The following S100Z variants were observed in gnomAD, a reference collection of about 807,000 sequenced individuals.
The protein encoded by S100Z is S100 calcium binding protein Z, also known as protein S100-Z.
S100Z carries 11 observed loss-of-function variants against 8.5 expected under a neutral mutation model. The observed-to-expected ratio is 1.30, with a 90% CI of 0.82 to 2.15. The LOEUF (loss-of-function observed/expected upper bound fraction) is 2.15. S100Z is among the 30% of genes most tolerant of loss of function. The pLI, the probability that S100Z is intolerant of heterozygous loss-of-function variation, is 0.00. For synonymous variants in S100Z, 34 were observed against 43.8 expected (o/e 0.78, Z 0.89); for missense variants, 126 against 117.9 (o/e 1.07, Z -0.32).
chr5:76,899,835 T>C (rs1561244038), intron 4 of S100Z, among the ~76,000 whole-genome samples: 2 of 152,210 alleles, frequency 1.3e-5, no homozygotes, highest in African/African-American at 4.8e-5. Context: ...CTATTATCAG[T>C]GAGTTTTGTA....
At chr5:76,861,447 C>T (rs1466000684) in intron 1 of S100Z, among the ~76,000 whole-genome samples, 3 of 152,042 alleles carry the variant, frequency 2.0e-5, no homozygotes, top group African/African-American at 7.2e-5. Flanking sequence ...CAAGTGATTC[C>T]CCTGCCTCAG....
intron 1 of S100Z, among the ~76,000 whole-genome samples, chr5:76,860,483 G>A (rs1399624783): frequency 6.6e-6 from 1 of 152,130 alleles, no homozygotes; most frequent in Non-Finnish European, 1.5e-5. Context: ...AAGAGGGGCT[G>A]ATGGGAGGCT....
intron 1 of S100Z, among the ~76,000 whole-genome samples, chr5:76,864,590 G>T (rs1751200374): frequency 6.6e-6 from 1 of 151,722 alleles, no homozygotes; most frequent in African/African-American, 2.4e-5. Flanking sequence ...TTTTAGTAGA[G>T]ACAGGGTTTT....
At chr5:76,929,660 C>T in the S100Z span, among the ~76,000 whole-genome samples, 1 of 152,066 alleles carries the variant, frequency 6.6e-6, no homozygotes, top group African/African-American at 2.4e-5. Flanking sequence ...GTGTCAGAAA[C>T]CAAGCAGAGG....
At chr5:76,916,006 C>T (rs533503845) in intron 4 of S100Z, among the ~76,000 whole-genome samples, 7 of 151,930 alleles carry the variant, frequency 4.6e-5, no homozygotes, top group Non-Finnish European at 1.0e-4. Context: ...ACTAAAAATA[C>T]AAAAATTAGC....
chr5:76,934,926 C>G, the S100Z span, among the ~76,000 whole-genome samples: 1 of 152,160 alleles, frequency 6.6e-6, no homozygotes. Flanking sequence ...GGATTTCCAA[C>G]GCATCCACCC....
chr5:76,860,208 C>G (rs887192139), intron 1 of S100Z, among the ~76,000 whole-genome samples: 2 of 151,976 alleles, frequency 1.3e-5, no homozygotes, highest in Admixed American at 1.3e-4. Flanking sequence ...ATGAGAAGAC[C>G]GCTCCCATTG....
chr5:76,895,765 C>CTTTTTTTTTTTTTTTTTTTTT (rs57723242), intron 4 of S100Z, among the ~76,000 whole-genome samples: 4 of 88,372 alleles, frequency 4.5e-5, no homozygotes, highest in Admixed American at 1.5e-4. Context: ...TCTTTTCTTC[C>CTTTTTTTTTTTTTTTTTTTTT]TTTTTTTTTT....
At chr5:76,871,968 G>C (rs1289033904) in intron 2 of S100Z, among the ~76,000 whole-genome samples, 1 of 152,202 alleles carries the variant, frequency 6.6e-6, no homozygotes, top group Non-Finnish European at 1.5e-5. Context: ...CAGGTACAGT[G>C]GCTCATGCCC....
chr5:76,850,861 C>T (rs1750709098), intron 1 of S100Z, among the ~76,000 whole-genome samples: 1 of 152,100 alleles, frequency 6.6e-6, no homozygotes, highest in African/African-American at 2.4e-5. Context: ...CTCTGTCACC[C>T]AGGCTGGAGT....
At chr5:76,891,138 C>T (rs1346968009) in intron 4 of S100Z, among the ~76,000 whole-genome samples, 2 of 152,208 alleles carry the variant, frequency 1.3e-5, no homozygotes, top group Non-Finnish European at 2.9e-5. Flanking sequence ...GCTGGGATTA[C>T]AGGCGTGAGC....
At chr5:76,889,478 A>T (rs1266069748) in intron 4 of S100Z, among the ~76,000 whole-genome samples, 3 of 152,262 alleles carry the variant, frequency 2.0e-5, no homozygotes, top group Middle Eastern at 3.2e-3. Flanking sequence ...TTTCATTTTA[A>T]TTTACTGCAA....
rs553306024 is a variant in S100Z at position 76,920,906 on chromosome 5, G to C, written c.*192G>C. ...AAATTAGGTAAGGAGCAGTGAGGAA[G>C]TGTCTACAGCAACCTCAGCCAATGT... On this transcript the variant is annotated 3_prime_UTR_variant, in exon 5 of 5. Coordinates refer to ENST00000317593, the MANE Select transcript of S100Z (RefSeq NM_130772.4). The C allele has an allele frequency of 6.6e-6, 1 of 152,318 alleles. No individual in the cohort carries two copies. The highest frequency in any genetic ancestry group is 2.1e-4 in the South Asian group (1 of 4,822). The allele number at this position is 152,318 out of a possible 1,614,324, so 9.4% of individuals were successfully genotyped here.
chr5:76,952,835 T>C, the S100Z span: 1 of 381,006 alleles, frequency 2.6e-6, no homozygotes, highest in Non-Finnish European at 4.9e-6. Flanking sequence ...AACACTTTAG[T>C]GCACTAAGTT....
At chr5:76,908,098 C>T (rs1343724851) in intron 4 of S100Z, among the ~76,000 whole-genome samples, 1 of 152,158 alleles carries the variant, frequency 6.6e-6, no homozygotes, top group Non-Finnish European at 1.5e-5. Flanking sequence ...TGCCACTGCA[C>T]TCCAGCCTGG....
At chr5:76,891,168 T>C (rs1258220012) in intron 4 of S100Z, among the ~76,000 whole-genome samples, 1 of 152,218 alleles carries the variant, frequency 6.6e-6, no homozygotes, top group East Asian at 1.9e-4. Flanking sequence ...CGGCCCCCAG[T>C]TTCTTCCTTT....
At chr5:76,883,893 G>A (rs1267217931) in intron 4 of S100Z, among the ~76,000 whole-genome samples, 3 of 152,180 alleles carry the variant, frequency 2.0e-5, no homozygotes, top group Admixed American at 6.5e-5. Flanking sequence ...TGGCAGTGGC[G>A]GTTCAGGTGT....
downstream of S100Z, among the ~76,000 whole-genome samples, chr5:76,922,616 T>A (rs923421177): frequency 6.6e-6 from 1 of 152,166 alleles, no homozygotes; most frequent in Non-Finnish European, 1.5e-5. Flanking sequence ...CTCCGCCTCC[T>A]GGGTTCATGC....
chr5:76,908,064 TGAG>T (rs1744519589), intron 4 of S100Z, among the ~76,000 whole-genome samples: 1 of 151,988 alleles, frequency 6.6e-6, no homozygotes, highest in African/African-American at 2.4e-5. Context: ...CTGGGGAAGT[TGAG>T]GATTCGGTAA....
Sources: gnomAD v4.1 joint callset for allele counts (sites outside exome capture counted in the v4.1 genomes callset) on GRCh38, gnomAD v4.1.1 for gene constraint, MANE v1.5 for transcripts, NCBI Gene and HGNC (gene_info 2026-07-23, HGNC 2026-07-21) for gene names.